Variants in GOT2 observed in about 807,000 individuals in gnomAD.
GOT2 encodes the protein glutamic-oxaloacetic transaminase 2, also known as aspartate aminotransferase, mitochondrial.
Under a neutral mutation model 50.0 loss-of-function variants are expected in GOT2, and 17 were observed. That is an observed-to-expected ratio of 0.34 (90% CI 0.23 to 0.51). The LOEUF is 0.51. Among genes scored for constraint, GOT2 ranks in the 20% least tolerant of loss-of-function variants. GOT2 has a pLI of 0.97. For missense variants in GOT2, 430 were observed against 559.6 expected (o/e 0.77, Z 2.34); for synonymous variants, 172 against 204.9 (o/e 0.84, Z 1.37).
intron 3 of GOT2, among the ~76,000 whole-genome samples, chr16:58,719,924 G>A (rs535100420): frequency 1.2e-3 from 184 of 152,184 alleles, no homozygotes; most frequent in African/African-American, 4.1e-3. Flanking sequence ...TTTTCTGGCC[G>A]GGCGCAGTGG....
In GOT2 at chr16:58,716,589, C is replaced by T. The variant is rs943196116; in HGVS notation, c.853+74G>A. On this transcript the variant is annotated intron_variant, in intron 7 of 9. Transcript: ENST00000245206. ...ACACACACACACACACACACACACA[C>T]CCACAAGCTCTATGCCCTCGTGGCA... is the stretch of plus-strand genomic sequence containing the variant. 16 of 1,274,460 alleles carry T rather than the reference C, an allele frequency of 1.3e-5. No individual in the cohort carries two copies. The African/African-American group carries it at 1.6e-4, about 13-fold the overall frequency. The allele number at this position is 1,274,460 out of a possible 1,614,324, so 78.9% of individuals were successfully genotyped here. A position where few individuals can be genotyped will look rare whatever the true frequency, so the allele number is the denominator to read the frequency against.
chr16:58,723,165 G>A (rs2044754518), intron 2 of GOT2, among the ~76,000 whole-genome samples: 1 of 152,214 alleles, frequency 6.6e-6, no homozygotes, highest in Non-Finnish European at 1.5e-5. Context: ...GTGCTTGGTA[G>A]TGATGCAGGT....
In GOT2 at chr16:58,723,827, G is replaced by A. The variant is rs1347255771; in HGVS notation, c.165C>T (p.Thr55=). 3 of 1,612,394 alleles carry A rather than the reference G, an allele frequency of 1.9e-6. No individual in the cohort carries two copies. In the East Asian group the frequency reaches 6.7e-5, roughly 36 times the overall value. The change falls in exon 2 of 10, where the codon ACC becomes ACT. Residue 55 remains threonine (T), a synonymous_variant. Coordinates refer to ENST00000245206, the MANE Select transcript of GOT2 (RefSeq NM_002080.4). Reference sequence around the variant, plus strand: ...CTCCCAGATTCATCTTTTTGCTATTGGTGTCCCTCTTAAAGGCTTCAGTGA... The same window carrying A: ...CTCCCAGATTCATCTTTTTGCTATTAGTGTCCCTCTTAAAGGCTTCAGTGA... ...LGVTEAFKRD[T]NSKKMNLGVG...
intron 6 of GOT2, among the ~76,000 whole-genome samples, chr16:58,717,402 G>A (rs1031139404): frequency 6.6e-6 from 1 of 151,856 alleles, no homozygotes; most frequent in East Asian, 1.9e-4. Context: ...GAGAGAGAGA[G>A]AAAAGAAAGG....
In GOT2 at chr16:58,708,315, G is replaced by T. The variant is rs748695523; in HGVS notation, c.1171-22C>A. The stretch of plus-strand genomic sequence containing the variant: ...CCACCTGCAGAGAGGAAAGAACTTG[G>T]GTACCTCTTCCCGGTACAGGGGATT... On this transcript the variant is annotated intron_variant, in intron 9 of 9. Coordinates refer to ENST00000245206, the MANE Select transcript of GOT2 (RefSeq NM_002080.4). 1.9e-6 allele frequency: 3 copies of T among 1,611,606 alleles called. No individual in the cohort carries two copies. The Admixed American group carries it at 5.0e-5, about 27-fold the overall frequency.
chr16:58,707,732 G>A lies in GOT2; in HGVS notation c.*439C>T, dbSNP rs191539697. 2.5e-3 allele frequency: 375 copies of A among 152,714 alleles called. 1 individual carries two copies. The highest frequency in any genetic ancestry group is 4.2e-3 in the Non-Finnish European group (289 of 68,318). The allele number at this position is 152,714 out of a possible 1,614,324, so 9.5% of individuals were successfully genotyped here. On this transcript the variant is annotated 3_prime_UTR_variant, in exon 10 of 10. Transcript: ENST00000245206. ...TTCTGCAGTGCGGCCTGTTGATAAGGTTGTTCCAAGATGGGAGGACAGACA... is the reference window on the plus strand; with the variant it reads ...TTCTGCAGTGCGGCCTGTTGATAAGATTGTTCCAAGATGGGAGGACAGACA...
At chr16:58,733,787 T>G in intron 1 of GOT2, 1 of 220,196 alleles carries the variant, frequency 4.5e-6, no homozygotes, top group African/African-American at 2.3e-5. Flanking sequence ...AAGGGCACGG[T>G]CGTTACCCGG....
intron 9 of GOT2, among the ~76,000 whole-genome samples, chr16:58,708,849 T>TAA (rs55838325): frequency 1.1e-3 from 163 of 146,942 alleles, no homozygotes; most frequent in African/African-American, 2.9e-3. Flanking sequence ...GGTAAACAAC[T>TAA]AAAAAAAAAA....
chr16:58,716,129 T>C lies in GOT2; in HGVS notation c.904A>G (p.Lys302Glu). Residue 302 changes from lysine (K) to glutamate (E), a missense_variant, in exon 8 of 10, where the codon AAA becomes GAA. Transcript: ENST00000245206. Reference protein sequence around the residue: ...TMVCKDADEAKRVESQLKILI... With the variant: ...TMVCKDADEAERVESQLKILI... The stretch of plus-strand genomic sequence containing the variant: ...ATCTTCAACTGTGACTCTACCCTTT[T>C]GGCTTCATCCGCATCTTTGCAGACC... 1 of 1,614,056 alleles carries C rather than the reference T, an allele frequency of 6.2e-7. No individual in the cohort carries two copies. Among genetic ancestry groups the C allele is most frequent in the Non-Finnish European group, 8.5e-7 (1 of 1,179,974 alleles).
chr16:58,709,623 G>A, intron 8 of GOT2, 56 bp from the exon 9 acceptor site: 2 of 1,488,478 alleles, frequency 1.3e-6, no homozygotes, highest in Non-Finnish European at 1.9e-6. Flanking sequence ...CCGATATGCT[G>A]GAGTTCACTG....
intron 1 of GOT2, among the ~76,000 whole-genome samples, chr16:58,729,643 T>C (rs1360474720): frequency 2.6e-5 from 4 of 152,202 alleles, no homozygotes; most frequent in African/African-American, 9.6e-5. Context: ...AAAGCACTTA[T>C]TTTTCAAGTT....
intron 1 of GOT2, among the ~76,000 whole-genome samples, chr16:58,724,784 G>A (rs1284916148): frequency 6.6e-6 from 1 of 152,130 alleles, no homozygotes; most frequent in African/African-American, 2.4e-5. Flanking sequence ...CAGGTGATCT[G>A]CTCGCCTTGG....
Position 58,727,325 on chromosome 16 carries a change from T to C in GOT2, c.90-3423A>G, listed in dbSNP as rs144938508. On this transcript the variant is annotated intron_variant, in intron 1 of 9. Coordinates refer to ENST00000245206, the MANE Select transcript of GOT2 (RefSeq NM_002080.4). ...TTTGCCCAATCTTGATGGCCTAGTT[T>C]CCTTGGTTTAGTCATTAATGACTTC... is the stretch of plus-strand genomic sequence containing the variant. Among the ~76,000 whole-genome samples, 225 of 152,142 alleles carry C rather than the reference T, an allele frequency of 1.5e-3. 4 individuals are homozygous for C. The East Asian group carries it at 0.032, about 22-fold the overall frequency.
rs577531580 is a variant in GOT2 at position 58,718,619 on chromosome 16, A to T, written c.505T>A (p.Phe169Ile). ...TGTAGCTGCATGCCAGCATCCCTGA[A>T]GATGGGTGTGTGGTTTCCCCAGGTT... Reference protein sequence around the residue: ...KPTWGNHTPIFRDAGMQLQGY... With the variant: ...KPTWGNHTPIIRDAGMQLQGY... The change falls in exon 5 of 10, where the codon TTC becomes ATC. Residue 169 changes from phenylalanine (F) to isoleucine (I), a missense_variant. By Grantham distance (21) the Phe-to-Ile change is conservative. Transcript: ENST00000245206. 15 of 1,611,412 alleles carry T rather than the reference A, an allele frequency of 9.3e-6. No individual in the cohort carries two copies. In the African/African-American group the frequency reaches 1.9e-4, roughly 20 times the overall value.
intron 1 of GOT2, among the ~76,000 whole-genome samples, chr16:58,726,436 G>A (rs533733517): frequency 2.0e-5 from 3 of 151,834 alleles, no homozygotes; most frequent in East Asian, 1.9e-4. Context: ...CACCCACCTC[G>A]GCCCCCCAAA....
At chr16:58,710,693 A>G (rs2044639461) in intron 8 of GOT2, among the ~76,000 whole-genome samples, 3 of 149,514 alleles carry the variant, frequency 2.0e-5, no homozygotes. Context: ...CATCCTGGCT[A>G]ACACGGTGAA....
In GOT2 at chr16:58,722,285, A is replaced by C. The variant is rs2044747122; in HGVS notation, c.247-7T>G. 1 of 1,612,372 alleles carries C rather than the reference A, an allele frequency of 6.2e-7. No homozygotes were observed. The highest frequency in any genetic ancestry group is 1.7e-5 in the Admixed American group (1 of 59,972). On this transcript the variant is annotated splice_polypyrimidine_tract_variant and splice_region_variant and intron_variant, in intron 2 of 9. Coordinates refer to ENST00000245206, the MANE Select transcript of GOT2 (RefSeq NM_002080.4). The stretch of plus-strand genomic sequence containing the variant: ...CGGCAATCTGGGCCTCTGCCTAGAC[A>C]AGAGAAAATACATCCATTGAATTTC...
At chr16:58,715,084 C>T (rs566892201) in intron 8 of GOT2, among the ~76,000 whole-genome samples, 1 of 152,074 alleles carries the variant, frequency 6.6e-6, no homozygotes, top group Non-Finnish European at 1.5e-5. Context: ...TGGCTCACAC[C>T]TGCAATCCCA....
intron 1 of GOT2, among the ~76,000 whole-genome samples, chr16:58,732,854 G>T (rs2044846483): frequency 6.6e-6 from 1 of 152,196 alleles, no homozygotes; most frequent in African/African-American, 2.4e-5. Flanking sequence ...TTCCAAATTT[G>T]TTGCATAAAT....
Sources: allele counts gnomAD v4.1 joint callset (sites outside exome capture counted in the v4.1 genomes callset), GRCh38; gene constraint gnomAD v4.1.1; transcripts MANE v1.5; gene names NCBI Gene and HGNC (gene_info 2026-07-23, HGNC 2026-07-21).